Variants in TMEM201 observed in about 807,000 individuals in gnomAD.
TMEM201 encodes the protein RP13-15M17.2.
In TMEM201, 26 loss-of-function variants were observed where a neutral mutation model predicts 63.4. The ratio of observed to expected loss-of-function variants is 0.41; its 90% CI spans 0.30 to 0.57. The LOEUF (loss-of-function observed/expected upper bound fraction) is 0.57, where lower values mean the gene tolerates loss of function less well. Ranked by LOEUF, TMEM201 falls within the 20% of genes least tolerant of loss-of-function variation. The pLI is 0.29. For missense variants in TMEM201, 794 were observed against 917.7 expected (o/e 0.87, Z 1.74); for synonymous variants, 417 against 421.6 (o/e 0.99, Z 0.14).
chr1:9,607,589 C>G lies in TMEM201; in HGVS notation c.1193C>G (p.Pro398Arg). Residue 398 changes from proline (P) to arginine (R), a missense_variant, in exon 7 of 11, where the codon CCC becomes CGC. Physicochemically the swap from Pro to Arg is moderately radical, Grantham distance 103. Transcript: ENST00000340381. The surrounding 1 kb of genome is among the most constrained non-coding windows in gnomAD (Gnocchi z 5.4). ...CCAGGAGACTCTGCCGGCCTTTTCCCCACCAGCCCCAGCTTGGCCATCCCT... is the reference window on the plus strand; with the variant it reads ...CCAGGAGACTCTGCCGGCCTTTTCCGCACCAGCCCCAGCTTGGCCATCCCT... ...FFPGDSAGLF[P>R]TSPSLAIPHP... The G allele has an allele frequency of 6.4e-7, 1 of 1,551,208 alleles. No individual in the cohort carries two copies. Among genetic ancestry groups the G allele is most frequent in the Non-Finnish European group, 8.7e-7 (1 of 1,146,770 alleles).
At chr1:9,602,380 C>T in intron 6 of TMEM201, 108 bp downstream of exon 6, 2 of 1,496,580 alleles carry the variant, frequency 1.3e-6, no homozygotes, top group East Asian at 2.5e-5. Context: ...TTCACCTGCT[C>T]ACGCCCTCCC....
Position 9,607,432 on chromosome 1 carries a change from T to G in TMEM201, c.1161-125T>G. On this transcript the variant is annotated intron_variant, in intron 6 of 10. Coordinates refer to ENST00000340381, the MANE Select transcript of TMEM201 (RefSeq NM_001130924.3). The surrounding 1 kb of genome is among the most constrained non-coding windows in gnomAD (Gnocchi z 5.4). Reference sequence around the variant, plus strand: ...TTTTCTGCTTTAACTAACGCACGCCTCCTCTGGGACCCCAGCTGAGGCCCC... The same window carrying G: ...TTTTCTGCTTTAACTAACGCACGCCGCCTCTGGGACCCCAGCTGAGGCCCC... 1 of 699,768 alleles carries G rather than the reference T, an allele frequency of 1.4e-6. No homozygotes were observed. Among genetic ancestry groups the G allele is most frequent in the Admixed American group, 3.0e-5 (1 of 33,360 alleles). 43.3% of individuals were successfully genotyped at this position (699,768 alleles called of 1,614,324 possible).
rs892882227 is a variant in TMEM201, at chr1:9,605,089, C to T, written c.1161-2468C>T. On this transcript the variant is annotated intron_variant, in intron 6 of 10. Transcript: ENST00000340381. The surrounding 1 kb of genome is among the most constrained non-coding windows in gnomAD (Gnocchi z 5.7). ...GGTTTGGGAGCCAGTGACAATGACA[C>T]CAGCTGGCTCGGGGCCCGGCTCGCC... The T allele has an allele frequency of 1.3e-5, 12 of 899,560 alleles. No individual in the cohort carries two copies. Among genetic ancestry groups the T allele is most frequent in the Non-Finnish European group, 1.5e-5 (11 of 751,550 alleles). 55.7% of individuals were successfully genotyped at this position (899,560 alleles called of 1,614,324 possible).
Position 9,601,278 on chromosome 1 carries a change from T to C in TMEM201, c.780T>C (p.Pro260=), listed in dbSNP as rs767190089. 5.0e-6 allele frequency: 8 copies of C among 1,610,774 alleles called. No homozygotes were observed. In the South Asian group the frequency reaches 8.8e-5, roughly 18 times the overall value. ...LPPGGNGSAT[P]DNGTTPGAEG... ...CTGGTGGCAATGGCTCAGCCACACC[T>C]GACAATGGCACCACCCCTGGGGCCG... The change falls in exon 5 of 11, where the codon CCT becomes CCC. Residue 260 remains proline (P), a synonymous_variant. Transcript: ENST00000340381.
rs1283617689 is a variant in TMEM201, at chr1:9,609,805, G to A, written c.1394-35G>A. ...TGGGGGCCTCTGCACGTCATCCACA[G>A]GCCTGACGTGTCGCCCGCTTCTCTC... On this transcript the variant is annotated intron_variant, in intron 7 of 10. Transcript: ENST00000340381. 7 of 1,546,348 alleles carry A rather than the reference G, an allele frequency of 4.5e-6. No individual in the cohort carries two copies. The East Asian group carries it at 1.2e-4, about 27-fold the overall frequency.
chr1:9,601,721 C>T (rs566196559), intron 5 of TMEM201, among the ~76,000 whole-genome samples: 2 of 152,284 alleles, frequency 1.3e-5, no homozygotes, highest in Admixed American at 1.3e-4. Context: ...ATCAGGATGA[C>T]GATAACCACC....
At chr1:9,597,927 G>A (rs999009596) in intron 3 of TMEM201, among the ~76,000 whole-genome samples, 4 of 152,222 alleles carry the variant, frequency 2.6e-5, no homozygotes, top group East Asian at 1.9e-4. Flanking sequence ...AGTGCTGCAC[G>A]TCTAAGGGCT....
In TMEM201 at chr1:9,604,114, G is replaced by C; in HGVS notation, c.1160+1842G>C. 6 of 985,466 alleles carry C rather than the reference G, an allele frequency of 6.1e-6. No individual in the cohort carries two copies. The highest frequency in any genetic ancestry group is 7.2e-6 in the Non-Finnish European group (6 of 829,944). 61.0% of individuals were successfully genotyped at this position (985,466 alleles called of 1,614,324 possible). On this transcript the variant is annotated intron_variant, in intron 6 of 10. Coordinates refer to ENST00000340381, the MANE Select transcript of TMEM201 (RefSeq NM_001130924.3). This position sits in a 1 kb window ranked among gnomAD's most constrained non-coding sequence, Gnocchi z 4.1. ...GCCAGGACGGGAAAGCGTCCTGTCGGCTGGCCATGCTGTTGCTTGCGTCTC... is the reference window on the plus strand; with the variant it reads ...GCCAGGACGGGAAAGCGTCCTGTCGCCTGGCCATGCTGTTGCTTGCGTCTC...
chr1:9,601,153 G>T lies in TMEM201; in HGVS notation c.655G>T (p.Ala219Ser). Residue 219 changes from alanine to serine, a missense_variant, in exon 5 of 11, where the codon GCC (alanine) becomes TCC (serine). By Grantham distance (99) the Ala-to-Ser change is moderately conservative. Transcript: ENST00000340381. ...KSPVQVILLR[A>S]LAFLACAFLL... ...CCCGGTCCAGGTCATCCTGCTCCGT[G>T]CCCTCGCCTTCCTGGCCTGCGCCTT... 6.2e-7 allele frequency: 1 copy of T among 1,607,888 alleles called. No individual in the cohort carries two copies.
In TMEM201 at chr1:9,603,956, A is replaced by T; in HGVS notation, c.1160+1684A>T. ...GGGCCACGCTTCCCACTGGTTCTGC[A>T]GTGAGGAGTTGGGGCGGGTGAGCCA... is the stretch of plus-strand genomic sequence containing the variant. On this transcript the variant is annotated intron_variant, in intron 6 of 10. Transcript: ENST00000340381. This position sits in a 1 kb window ranked among gnomAD's most constrained non-coding sequence, Gnocchi z 4.5. 6.1e-6 allele frequency: 6 copies of T among 985,444 alleles called. No homozygotes were observed. Among genetic ancestry groups the T allele is most frequent in the African/African-American group, 1.7e-5 (1 of 57,350 alleles). 61.0% of individuals were successfully genotyped at this position (985,444 alleles called of 1,614,324 possible).
intron 1 of TMEM201, among the ~76,000 whole-genome samples, chr1:9,592,633 A>C (rs1174304641): frequency 2.0e-5 from 2 of 101,210 alleles, no homozygotes; most frequent in Non-Finnish European, 5.3e-5. Flanking sequence ...GCTTTGTTTC[A>C]ATACATGTCC....
rs1211800945 is a variant in TMEM201, at chr1:9,608,883, C to T, written c.1394-957C>T. 6.6e-6 allele frequency among the ~76,000 whole-genome samples: 1 copy of T among 152,196 alleles called. No homozygotes were observed. Among genetic ancestry groups the T allele is most frequent in the African/African-American group, 2.4e-5 (1 of 41,450 alleles). ...TTGGAGTGTCCGGTGACAGATGGGA[C>T]CCCAGTCTCCATTACCAGAGTGGGT... On this transcript the variant is annotated intron_variant, in intron 7 of 10. Transcript: ENST00000340381. This position sits in a 1 kb window ranked among gnomAD's most constrained non-coding sequence, Gnocchi z 4.3.
rs1045417249 is a variant in TMEM201, at chr1:9,610,169, G to A, written c.1465+258G>A. ...CACGGCTGGAACTGGTGCACCAGGTGCCAGCTGGCAGCAAGGCCTCGGGTG... is the reference window on the plus strand; with the variant it reads ...CACGGCTGGAACTGGTGCACCAGGTACCAGCTGGCAGCAAGGCCTCGGGTG... On this transcript the variant is annotated intron_variant, in intron 8 of 10. Coordinates refer to ENST00000340381, the MANE Select transcript of TMEM201 (RefSeq NM_001130924.3). This position sits in a 1 kb window ranked among gnomAD's most constrained non-coding sequence, Gnocchi z 4.9. 6.6e-6 allele frequency among the ~76,000 whole-genome samples: 1 copy of A among 152,200 alleles called. No homozygotes were observed. The highest frequency in any genetic ancestry group is 2.4e-5 in the African/African-American group (1 of 41,448).
rs181375785 is a variant in TMEM201, at chr1:9,613,934, C to T, written c.*851C>T. On this transcript the variant is annotated 3_prime_UTR_variant, in exon 11 of 11. Transcript: ENST00000340381. ...CGACCACCCTACTGGGCACCTGCCT[C>T]CAGCCCCTGAGAACTCCATCTTCCC... The T allele has an allele frequency of 6.6e-6, 1 of 152,370 alleles. No individual in the cohort carries two copies. Among genetic ancestry groups the T allele is most frequent in the Non-Finnish European group, 1.5e-5 (1 of 68,164 alleles). The allele number at this position is 152,370 out of a possible 1,614,324, so 9.4% of individuals were successfully genotyped here.
intron 1 of TMEM201, among the ~76,000 whole-genome samples, chr1:9,592,487 G>A (rs753955201): frequency 6.6e-6 from 1 of 152,164 alleles, no homozygotes; most frequent in Non-Finnish European, 1.5e-5. Context: ...CCAGGGCAGG[G>A]ACCAAGCCCC....
intron 4 of TMEM201, 70 bp from the exon 5 acceptor site, chr1:9,601,035 C>G: frequency 7.2e-7 from 1 of 1,396,064 alleles, no homozygotes; most frequent in Non-Finnish European, 9.9e-7. Context: ...CCCGCACAGA[C>G]TGGCACCGGT....
At position 9,601,469 on chromosome 1, in the gene TMEM201, A is replaced by G; in HGVS notation, c.956+15A>G. The G allele has an allele frequency of 6.4e-7, 1 of 1,566,766 alleles. No homozygotes were observed. The highest frequency in any genetic ancestry group is 8.6e-7 in the Non-Finnish European group (1 of 1,160,368). ...GGCCGCATCAGGTGTGCATGGGGCC[A>G]GGGCCAGGAGTTGGCGGGCAGGGGA... On this transcript the variant is annotated intron_variant, in intron 5 of 10. Coordinates refer to ENST00000340381, the MANE Select transcript of TMEM201 (RefSeq NM_001130924.3).
At chr1:9,611,182 A>C in intron 9 of TMEM201, 1 of 639,102 alleles carries the variant, frequency 1.6e-6, no homozygotes, top group Non-Finnish European at 2.3e-6. Context: ...CAACTTTCAC[A>C]TGAATTTGTA....
rs891296461 is a variant in TMEM201 at position 9,607,939 on chromosome 1, C to G, written c.1393+150C>G. 27 of 791,426 alleles carry G rather than the reference C, an allele frequency of 3.4e-5. No individual in the cohort carries two copies. Among genetic ancestry groups the G allele is most frequent in the Middle Eastern group, 2.8e-4 (1 of 3,586 alleles). The allele number at this position is 791,426 out of a possible 1,614,324, so 49.0% of individuals were successfully genotyped here. On this transcript the variant is annotated intron_variant, in intron 7 of 10. Coordinates refer to ENST00000340381, the MANE Select transcript of TMEM201 (RefSeq NM_001130924.3). The surrounding 1 kb of genome is among the most constrained non-coding windows in gnomAD (Gnocchi z 5.4). Reference sequence around the variant, plus strand: ...ACAGAGCTTTGAGCCTCAGTTCCCCCCAAAGAAATGGGGCTAGCTAGGAAT... The same window carrying G: ...ACAGAGCTTTGAGCCTCAGTTCCCCGCAAAGAAATGGGGCTAGCTAGGAAT...
Sources: allele counts gnomAD v4.1 joint callset (sites outside exome capture counted in the v4.1 genomes callset), GRCh38; gene constraint gnomAD v4.1.1; non-coding constraint Gnocchi (gnomAD v3.1); transcripts MANE v1.5; gene names NCBI Gene and HGNC (gene_info 2026-07-23, HGNC 2026-07-21).